LEKR1: variants seen among roughly 807,000 people sequenced by gnomAD.
LEKR1 encodes protein LEKR1.
In LEKR1, 59 loss-of-function variants were observed where a neutral mutation model predicts 72.4. The observed-to-expected ratio is 0.82, with a 90% CI of 0.66 to 1.01. The LOEUF is 1.01. LEKR1 is among the 50% of genes least tolerant of loss of function. LEKR1 has a pLI of 0.00. For missense variants in LEKR1, 728 were observed against 759.2 expected, an observed-to-expected ratio of 0.96 and a Z score of 0.48; for synonymous variants, 257 against 263.2, an observed-to-expected ratio of 0.98 and a Z score of 0.23.
chr3:156,966,462 T>G (rs564345560), intron 6 of LEKR1, among the ~76,000 whole-genome samples: 1 of 152,290 alleles, frequency 6.6e-6, no homozygotes, highest in South Asian at 2.1e-4. Flanking sequence ...TCTTAGCAAA[T>G]GACACATCAG....
chr3:156,856,341 T>G (rs1012942627), intron 3 of LEKR1, among the ~76,000 whole-genome samples: 7 of 152,178 alleles, frequency 4.6e-5, no homozygotes, highest in Non-Finnish European at 1.0e-4. Context: ...GGCCACACTT[T>G]TAACTACTTT....
At chr3:156,826,829 G>A (rs6767106) in intron 1 of LEKR1, 1,947 of 155,622 alleles carry the variant, frequency 0.013, 41 homozygotes, top group African/African-American at 0.044. Context: ...GCTCGTTGTG[G>A]GTGATTCACG....
chr3:157,031,649 G>A (rs1253657549), intron 12 of LEKR1, among the ~76,000 whole-genome samples: 1 of 152,080 alleles, frequency 6.6e-6, no homozygotes, highest in Non-Finnish European at 1.5e-5. Context: ...TTTTGAAAAT[G>A]CATTCCAGAC....
chr3:156,856,917 T>C (rs1382068484), intron 3 of LEKR1, among the ~76,000 whole-genome samples: 2 of 152,088 alleles, frequency 1.3e-5, no homozygotes, highest in Admixed American at 1.3e-4. Context: ...TTTTCTTGTC[T>C]TATTAAATTA....
intron 3 of LEKR1, among the ~76,000 whole-genome samples, chr3:156,885,059 G>A (rs1347057740): frequency 7.9e-5 from 12 of 152,028 alleles, no homozygotes; most frequent in South Asian, 4.2e-4. Flanking sequence ...TCTTCTACTT[G>A]TTCTAGTCTA....
At chr3:156,906,005 A>G (rs1481386689) in intron 3 of LEKR1, among the ~76,000 whole-genome samples, 1 of 152,164 alleles carries the variant, frequency 6.6e-6, no homozygotes, top group Non-Finnish European at 1.5e-5. Context: ...TCCACCTGTC[A>G]TCTTTGATTG....
At chr3:156,866,550 G>A (rs1033700521) in intron 3 of LEKR1, among the ~76,000 whole-genome samples, 4 of 152,012 alleles carry the variant, frequency 2.6e-5, no homozygotes, top group African/African-American at 9.7e-5. Flanking sequence ...CTCTTACTAT[G>A]TGAAAATAAT....
In LEKR1 at chr3:156,829,955, C is replaced by T. The variant is rs539421590; in HGVS notation, c.48+578C>T. ...CATGAATGCATAAAATGTATGTAGA[C>T]ACTAGTCTATTTTGTCATTTACTAC... is the stretch of plus-strand genomic sequence containing the variant. On this transcript the variant is annotated intron_variant, in intron 2 of 12. Transcript: ENST00000356539. Among the ~76,000 whole-genome samples the T allele has an allele frequency of 2.5e-3, 378 of 152,210 alleles. 1 individual carries two copies. Among genetic ancestry groups the T allele is most frequent in the African/African-American group, 8.6e-3 (358 of 41,546 alleles).
chr3:156,855,438 A>G (rs1325917932), intron 3 of LEKR1, among the ~76,000 whole-genome samples: 2 of 152,138 alleles, frequency 1.3e-5, no homozygotes, highest in Admixed American at 6.5e-5. Context: ...TTGATTACCT[A>G]TACACATATA....
intron 6 of LEKR1, among the ~76,000 whole-genome samples, chr3:156,954,730 A>G (rs948071299): frequency 1.3e-5 from 2 of 152,048 alleles, no homozygotes; most frequent in Non-Finnish European, 2.9e-5. Flanking sequence ...CTGTTTTTGT[A>G]CTGGTACCAT....
intron 2 of LEKR1, among the ~76,000 whole-genome samples, chr3:156,848,030 G>A (rs1714845207): frequency 6.6e-6 from 1 of 152,278 alleles, no homozygotes; most frequent in South Asian, 2.1e-4. Context: ...AATAAAGATA[G>A]GACACTTTGC....
intron 4 of LEKR1, among the ~76,000 whole-genome samples, 197 bp from the exon 5 acceptor site, chr3:156,927,232 G>A (rs991511943): frequency 6.6e-6 from 1 of 151,858 alleles, no homozygotes; most frequent in Admixed American, 6.6e-5. Flanking sequence ...GAGTTAGAGT[G>A]ACCATACACT....
intron 10 of LEKR1, among the ~76,000 whole-genome samples, chr3:157,024,457 G>A (rs1268981439): frequency 6.6e-6 from 1 of 152,122 alleles, no homozygotes; most frequent in Non-Finnish European, 1.5e-5. Flanking sequence ...TTGCTGGCAA[G>A]GACTGAGTTC....
At chr3:156,858,986 A>G (rs1576677615) in intron 3 of LEKR1, among the ~76,000 whole-genome samples, 1 of 152,094 alleles carries the variant, frequency 6.6e-6, no homozygotes. Context: ...CCTTTTATCT[A>G]TGTCTATTTT....
intron 10 of LEKR1, among the ~76,000 whole-genome samples, chr3:157,014,998 CAGTG>C (rs1286593653): frequency 2.0e-5 from 3 of 152,004 alleles, no homozygotes; most frequent in Non-Finnish European, 4.4e-5. Flanking sequence ...ACAAATAAAA[CAGTG>C]AGGAAACGAT....
intron 3 of LEKR1, among the ~76,000 whole-genome samples, chr3:156,856,893 A>C (rs1446857601): frequency 6.6e-6 from 1 of 152,128 alleles, no homozygotes; most frequent in South Asian, 2.1e-4. Flanking sequence ...CAATAGTTAT[A>C]CCCTTTTCCT....
chr3:156,827,399 G>A (rs1288961343), intron 1 of LEKR1, among the ~76,000 whole-genome samples: 1 of 152,130 alleles, frequency 6.6e-6, no homozygotes, highest in African/African-American at 2.4e-5. Context: ...CATTACTTAG[G>A]AGGAAAGCCG....
chr3:156,832,696 C>T (rs949311943), intron 2 of LEKR1, among the ~76,000 whole-genome samples: 1 of 152,204 alleles, frequency 6.6e-6, no homozygotes, highest in African/African-American at 2.4e-5. Flanking sequence ...CCCACAATAA[C>T]TTGGGATTCC....
chr3:156,867,339 C>A (rs114397093), intron 3 of LEKR1, among the ~76,000 whole-genome samples: 2,457 of 152,012 alleles, frequency 0.016, 66 homozygotes, highest in African/African-American at 0.055. Flanking sequence ...TGGAACTGTC[C>A]TAGGACTTAT....
Sources: allele counts gnomAD v4.1 joint callset (sites outside exome capture counted in the v4.1 genomes callset), GRCh38; gene constraint gnomAD v4.1.1; transcripts MANE v1.5; gene names NCBI Gene and HGNC (gene_info 2026-07-23, HGNC 2026-07-21).